ANKRD18A: variants seen among roughly 807,000 people sequenced by gnomAD.
ANKRD18A encodes ankyrin repeat domain-containing protein 18A.
A neutral mutation model predicts 110.6 loss-of-function variants in ANKRD18A; 72 were observed. That is an observed-to-expected ratio of 0.65 (90% CI 0.54 to 0.79). The LOEUF (loss-of-function observed/expected upper bound fraction) is 0.79. Among genes scored for constraint, ANKRD18A ranks in the 30% least tolerant of loss-of-function variants. ANKRD18A has a pLI of 0.00. For missense variants in ANKRD18A, 934 were observed against 1,163.3 expected (o/e 0.80, Z 2.87); for synonymous variants, 305 against 410.3 (o/e 0.74, Z 3.10).
intron 11 of ANKRD18A, among the ~76,000 whole-genome samples, chr9:38,586,869 A>G (rs1426219667): frequency 1.3e-5 from 2 of 152,148 alleles, no homozygotes; most frequent in East Asian, 3.8e-4. Context: ...TGGCCTAACC[A>G]TACAGTTTTT....
intron 8 of ANKRD18A, among the ~76,000 whole-genome samples, chr9:38,598,895 T>A (rs1430266482): frequency 6.6e-6 from 1 of 152,216 alleles, no homozygotes; most frequent in Non-Finnish European, 1.5e-5. Flanking sequence ...TTCTTTGGAG[T>A]GAGCAAACCA....
At chr9:38,585,189 C>T (rs191426502) in intron 12 of ANKRD18A, among the ~76,000 whole-genome samples, 202 of 152,190 alleles carry the variant, frequency 1.3e-3, no homozygotes, top group Non-Finnish European at 2.4e-3. Flanking sequence ...GATATATTTA[C>T]CCTCTATTTT....
chr9:38,578,882 C>CA (rs1277281097), intron 12 of ANKRD18A, among the ~76,000 whole-genome samples: 2 of 151,986 alleles, frequency 1.3e-5, no homozygotes, highest in Admixed American at 6.6e-5. Flanking sequence ...GACAATATCT[C>CA]AAAAAAACAC....
rs561815251 is a variant in ANKRD18A at position 38,595,868 on chromosome 9, C to T, written c.1472G>A (p.Arg491His). 136 of 1,551,274 alleles carry T rather than the reference C, an allele frequency of 8.8e-5. 1 individual carries two copies. The highest frequency in any genetic ancestry group is 1.7e-4 in the Middle Eastern group (1 of 5,976). The change falls in exon 9 of 16, where the codon CGT (arginine) becomes CAT (histidine). Residue 491 changes from arginine to histidine, a missense_variant. Coordinates refer to ENST00000399703, the MANE Select transcript of ANKRD18A (RefSeq NM_147195.4). ...VKFNTLKGKL[R>H]ETRDALREKT... ...TTCCCTGAGAGCATCTCTTGTCTCACGGAGCTTACCTTTTAAGGTATTGAA... is the reference window on the plus strand; with the variant it reads ...TTCCCTGAGAGCATCTCTTGTCTCATGGAGCTTACCTTTTAAGGTATTGAA...
intron 10 of ANKRD18A, among the ~76,000 whole-genome samples, chr9:38,590,481 A>T (rs1824598791): frequency 6.6e-6 from 1 of 152,084 alleles, no homozygotes; most frequent in South Asian, 2.1e-4. Flanking sequence ...TGTACTTCTG[A>T]CCTCAGGTAA....
chr9:38,574,253 A>G (rs530307655), intron 15 of ANKRD18A, among the ~76,000 whole-genome samples: 1 of 152,318 alleles, frequency 6.6e-6, no homozygotes, highest in African/African-American at 2.4e-5. Context: ...TCATGGCTGC[A>G]TAGTATTTGG....
chr9:38,582,543 A>G (rs1824208608), intron 12 of ANKRD18A, among the ~76,000 whole-genome samples: 2 of 152,206 alleles, frequency 1.3e-5, no homozygotes, highest in South Asian at 4.1e-4. Flanking sequence ...AAACCTGCAC[A>G]TTTACAGTCA....
At chr9:38,618,959 TC>T (rs1408245569) in intron 1 of ANKRD18A, among the ~76,000 whole-genome samples, 2 of 149,634 alleles carry the variant, frequency 1.3e-5, no homozygotes, top group African/African-American at 4.9e-5. Flanking sequence ...AAGAATAAAT[TC>T]CCTGTAGGAT....
chr9:38,568,844 A>G (rs1317140679), downstream of ANKRD18A: 1 of 985,268 alleles, frequency 1.0e-6, no homozygotes, highest in African/African-American at 1.7e-5. Context: ...ATGAGGCCCA[A>G]CTGGGCCAGG....
Position 38,580,094 on chromosome 9 carries a change from CAT to C in ANKRD18A, c.2248-1948_2248-1947del, listed in dbSNP as rs574622682. On this transcript the variant is annotated intron_variant, in intron 12 of 15. Coordinates refer to ENST00000399703, the MANE Select transcript of ANKRD18A (RefSeq NM_147195.4). ...AAGATAAATACTGCACATTCTCACT[CAT>C]GTGTGGGAGCTAAAGAAAAATTGAG... is the stretch of plus-strand genomic sequence containing the variant. 6.4e-3 allele frequency among the ~76,000 whole-genome samples: 974 copies of C among 152,314 alleles called. 12 individuals are homozygous for C. Among genetic ancestry groups the C allele is most frequent in the African/African-American group, 0.022 (904 of 41,564 alleles).
chr9:38,575,938 G>A (rs558187549), intron 14 of ANKRD18A, among the ~76,000 whole-genome samples: 1 of 152,276 alleles, frequency 6.6e-6, no homozygotes, highest in East Asian at 1.9e-4. Flanking sequence ...AAGTGGACAG[G>A]GAAGAGAAAT....
chr9:38,602,323 C>A (rs1054620377), intron 7 of ANKRD18A, among the ~76,000 whole-genome samples: 4 of 151,574 alleles, frequency 2.6e-5, no homozygotes, highest in Non-Finnish European at 2.9e-5. Context: ...CATGCCTGAG[C>A]TGAGACTTAG....
At chr9:38,602,759 G>A (rs1206199767) in intron 7 of ANKRD18A, among the ~76,000 whole-genome samples, 4 of 152,142 alleles carry the variant, frequency 2.6e-5, no homozygotes, top group Non-Finnish European at 2.9e-5. Flanking sequence ...CAGGCTCAAA[G>A]TTCTAGGCTG....
chr9:38,584,631 A>G (rs544492728), intron 12 of ANKRD18A, among the ~76,000 whole-genome samples: 5 of 152,324 alleles, frequency 3.3e-5, no homozygotes, highest in Non-Finnish European at 4.4e-5. Flanking sequence ...GCTTCGTTTC[A>G]GATCACTGGC....
intron 3 of ANKRD18A, among the ~76,000 whole-genome samples, chr9:38,613,410 T>C (rs1310708480): frequency 6.6e-6 from 1 of 152,182 alleles, no homozygotes; most frequent in Non-Finnish European, 1.5e-5. Context: ...TGTTGCTAAA[T>C]GATTGTGTAT....
Position 38,586,167 on chromosome 9 carries a change from A to G in ANKRD18A, c.2247+16T>C. ...AATCTAGACCTTAAGATAAAATAAT[A>G]ATTTTTTAAAATTACCTTCTGTTTT... On this transcript the variant is annotated intron_variant, in intron 12 of 15. Coordinates refer to ENST00000399703, the MANE Select transcript of ANKRD18A (RefSeq NM_147195.4). 6.3e-7 allele frequency: 1 copy of G among 1,585,604 alleles called. No individual in the cohort carries two copies. Among genetic ancestry groups the G allele is most frequent in the African/African-American group, 1.4e-5 (1 of 73,306 alleles).
At chr9:38,606,454 C>T (rs909195836) in intron 6 of ANKRD18A, among the ~76,000 whole-genome samples, 3 of 152,168 alleles carry the variant, frequency 2.0e-5, no homozygotes, top group Admixed American at 1.3e-4. Context: ...TGTTTATGAA[C>T]AGTAAGTATA....
At chr9:38,571,006 A>G, downstream of ANKRD18A, 4 of 1,160,380 alleles carry the variant, frequency 3.4e-6, no homozygotes, top group South Asian at 1.0e-4. Flanking sequence ...GCCCCGACCT[A>G]GAGACACAGC....
chr9:38,583,223 T>C (rs566782966), intron 12 of ANKRD18A, among the ~76,000 whole-genome samples: 42 of 152,338 alleles, frequency 2.8e-4, no homozygotes, highest in African/African-American at 8.7e-4. Context: ...GCCGGGGATG[T>C]AAAGTGGTGC....
Sources: gnomAD v4.1 joint callset for allele counts (sites outside exome capture counted in the v4.1 genomes callset) on GRCh38, gnomAD v4.1.1 for gene constraint, MANE v1.5 for transcripts, NCBI Gene and HGNC (gene_info 2026-07-23, HGNC 2026-07-21) for gene names.